The following ADAMTS2 variants were observed in gnomAD, a reference collection of about 807,000 sequenced individuals.
ADAMTS2 encodes ADAM metallopeptidase with thrombospondin type 1 motif 2, also known as A disintegrin and metalloproteinase with thrombospondin motifs 2.
In ADAMTS2, 50 loss-of-function variants were observed where a neutral mutation model predicts 123.0. The observed-to-expected ratio is 0.41, with a 90% CI of 0.32 to 0.51. ADAMTS2 has a LOEUF of 0.51. Among genes scored for constraint, ADAMTS2 ranks in the 20% least tolerant of loss-of-function variants. The pLI is 0.35. For missense variants in ADAMTS2, 1,494 were observed against 1,705.2 expected (o/e 0.88, Z 2.18); for synonymous variants, 678 against 695.4 (o/e 0.98, Z 0.39).
chr5:179,211,594 G>A (rs955491540), intron 3 of ADAMTS2, among the ~76,000 whole-genome samples: 1 of 152,216 alleles, frequency 6.6e-6, no homozygotes, highest in Non-Finnish European at 1.5e-5. Flanking sequence ...GAGCCATCCT[G>A]TTTTAGAGTC....
chr5:179,128,685 G>A lies in ADAMTS2; in HGVS notation c.2458-567C>T, dbSNP rs767871605. ...TGGGATTACAGGCATGAGCCACTGC[G>A]CCTGGCCTATGTGTGAGTCTGTTTA... On this transcript the variant is annotated intron_variant, in intron 16 of 21. Transcript: ENST00000251582. This position sits in a 1 kb window ranked among gnomAD's most constrained non-coding sequence, Gnocchi z 4.9. Among the ~76,000 whole-genome samples, 9 of 152,138 alleles carry A rather than the reference G, an allele frequency of 5.9e-5. No homozygotes were observed. Among genetic ancestry groups the A allele is most frequent in the Non-Finnish European group, 1.2e-4 (8 of 68,022 alleles).
chr5:179,218,048 C>T (rs540204555), intron 3 of ADAMTS2, among the ~76,000 whole-genome samples: 22 of 152,316 alleles, frequency 1.4e-4, no homozygotes, highest in African/African-American at 5.1e-4. Context: ...GTCCTAATGA[C>T]CGCCCTGCAG....
chr5:179,319,830 G>A (rs1189008019), intron 2 of ADAMTS2, among the ~76,000 whole-genome samples: 1 of 152,060 alleles, frequency 6.6e-6, no homozygotes, highest in Non-Finnish European at 1.5e-5. Context: ...CATTACGCCT[G>A]GCTCCCCAGC....
chr5:179,265,751 C>T (rs931740000), intron 3 of ADAMTS2, among the ~76,000 whole-genome samples: 1 of 152,252 alleles, frequency 6.6e-6, no homozygotes. Flanking sequence ...CAACAGCCAT[C>T]CCAAGGGCCC....
chr5:179,297,394 G>A (rs188184954), intron 2 of ADAMTS2, among the ~76,000 whole-genome samples: 6 of 152,076 alleles, frequency 3.9e-5, no homozygotes, highest in Admixed American at 3.9e-4. Context: ...CACCTGCCTG[G>A]CAATGCAGAA....
At chr5:179,125,622 C>T (rs1439278258) in intron 18 of ADAMTS2, among the ~76,000 whole-genome samples, 1 of 152,258 alleles carries the variant, frequency 6.6e-6, no homozygotes, top group Non-Finnish European at 1.5e-5. Context: ...TCCCAACTGT[C>T]TTCCCCACTG....
intron 2 of ADAMTS2, among the ~76,000 whole-genome samples, chr5:179,339,616 A>C (rs931523842): frequency 6.6e-6 from 1 of 152,226 alleles, no homozygotes; most frequent in African/African-American, 2.4e-5. Context: ...TGGGGCCCAC[A>C]GGAGCCTCTG....
At chr5:179,218,472 C>A (rs374758457) in intron 3 of ADAMTS2, among the ~76,000 whole-genome samples, 14 of 152,378 alleles carry the variant, frequency 9.2e-5, no homozygotes, top group African/African-American at 3.4e-4. Flanking sequence ...CTCAGCCCCA[C>A]GGGGGCCATC....
At chr5:179,251,009 G>A (rs1411560418) in intron 3 of ADAMTS2, among the ~76,000 whole-genome samples, 5 of 152,102 alleles carry the variant, frequency 3.3e-5, no homozygotes, top group Non-Finnish European at 7.4e-5. Flanking sequence ...GTCCTGCCTC[G>A]GCAAAGGCAA....
intron 2 of ADAMTS2, among the ~76,000 whole-genome samples, chr5:179,336,685 C>T (rs952249614): frequency 1.3e-5 from 2 of 152,232 alleles, no homozygotes; most frequent in Non-Finnish European, 2.9e-5. Context: ...TAGGCGCTTG[C>T]TGCACACCCA....
chr5:179,279,595 C>T (rs1021012798), intron 2 of ADAMTS2, among the ~76,000 whole-genome samples: 2 of 152,234 alleles, frequency 1.3e-5, no homozygotes, highest in African/African-American at 4.8e-5. Flanking sequence ...AGAGCCTGCT[C>T]GGGCACTCTC....
intron 13 of ADAMTS2, among the ~76,000 whole-genome samples, chr5:179,133,379 T>C (rs1762999131): frequency 6.6e-6 from 1 of 152,172 alleles, no homozygotes; most frequent in Non-Finnish European, 1.5e-5. Context: ...GCAATTCTTC[T>C]GCCTCAGCCT....
rs11958443 is a variant in ADAMTS2 at position 179,200,838 on chromosome 5, A to G, written c.891+6675T>C. On this transcript the variant is annotated intron_variant, in intron 4 of 21. Transcript: ENST00000251582. ...GGCGGAATAAAACAAAAGGTCAACA[A>G]CAGGACTGGGGGAAATATTTCCCAC... is the stretch of plus-strand genomic sequence containing the variant. Among the ~76,000 whole-genome samples the G allele has an allele frequency of 6.5e-3, 995 of 152,312 alleles. 10 individuals carry two copies. Among genetic ancestry groups the G allele is most frequent in the African/African-American group, 0.023 (944 of 41,564 alleles).
At chr5:179,284,978 T>A (rs1755976810) in intron 2 of ADAMTS2, among the ~76,000 whole-genome samples, 1 of 152,166 alleles carries the variant, frequency 6.6e-6, no homozygotes. Context: ...CTGAGTGGCC[T>A]CTCTGTGGAC....
chr5:179,171,519 G>A (rs1763813659), intron 5 of ADAMTS2, among the ~76,000 whole-genome samples: 1 of 149,824 alleles, frequency 6.7e-6, no homozygotes, highest in Admixed American at 6.6e-5. Context: ...TCACAGCCCA[G>A]AACCCCCCAG....
At position 179,272,776 on chromosome 5, in the gene ADAMTS2, A is replaced by T. The variant is rs1581235899; in HGVS notation, c.688+135T>A. 8.6e-6 allele frequency: 10 copies of T among 1,165,494 alleles called. No individual in the cohort carries two copies. In the East Asian group the frequency reaches 2.5e-4, roughly 29 times the overall value. 72.2% of individuals were successfully genotyped at this position (1,165,494 alleles called of 1,614,324 possible). ...CAGCCAGGCAGCTGGCCCATTTCTG[A>T]GCCACTGAGACCGGGGCTCAGCCTC... On this transcript the variant is annotated intron_variant, in intron 3 of 21. Transcript: ENST00000251582. The surrounding 1 kb of genome is among the most constrained non-coding windows in gnomAD (Gnocchi z 5.8).
chr5:179,326,273 C>G (rs1018006870), intron 2 of ADAMTS2, among the ~76,000 whole-genome samples: 1 of 150,500 alleles, frequency 6.6e-6, no homozygotes, highest in Non-Finnish European at 1.5e-5. Flanking sequence ...GCTGTATTGG[C>G]GGGAAGAGCT....
Position 179,189,644 on chromosome 5 carries a change from A to C in ADAMTS2, c.892-8489T>G, listed in dbSNP as rs984878619. ...AGTGCTGGGATTACAGGCGTGAGCCACCGCGCCCGGCCAGGAGCAATTTTT... is the reference window on the plus strand; with the variant it reads ...AGTGCTGGGATTACAGGCGTGAGCCCCCGCGCCCGGCCAGGAGCAATTTTT... On this transcript the variant is annotated intron_variant, in intron 4 of 21. Transcript: ENST00000251582. This position sits in a 1 kb window ranked among gnomAD's most constrained non-coding sequence, Gnocchi z 4.2. Among the ~76,000 whole-genome samples, 1 of 147,304 alleles carries C rather than the reference A, an allele frequency of 6.8e-6. No homozygotes were observed. The highest frequency in any genetic ancestry group is 6.9e-5 in the Admixed American group (1 of 14,444).
intron 3 of ADAMTS2, among the ~76,000 whole-genome samples, chr5:179,209,905 TG>T (rs1417148159): frequency 6.6e-6 from 1 of 152,226 alleles, no homozygotes; most frequent in East Asian, 1.9e-4. Flanking sequence ...TCTTCCTCCC[TG>T]GGGAACAGGC....
Sources: gnomAD v4.1 joint callset for allele counts (sites outside exome capture counted in the v4.1 genomes callset) on GRCh38, gnomAD v4.1.1 for gene constraint, Gnocchi (gnomAD v3.1) non-coding constraint, MANE v1.5 for transcripts, NCBI Gene and HGNC (gene_info 2026-07-23, HGNC 2026-07-21) for gene names.